Variants in LMX1A observed in about 807,000 individuals in gnomAD.
LMX1A encodes the protein LIM homeobox transcription factor 1-alpha.
Under a neutral mutation model 49.1 loss-of-function variants are expected in LMX1A, and 15 were observed. That is an observed-to-expected ratio of 0.31 (90% CI 0.20 to 0.47). The LOEUF is 0.47. Among genes scored for constraint, LMX1A ranks in the 20% least tolerant of loss-of-function variants. LMX1A has a pLI of 1.00. For synonymous variants in LMX1A, 167 were observed against 185.7 expected (o/e 0.90, Z 0.82); for missense variants, 372 against 475.8 (o/e 0.78, Z 2.03).
At chr1:165,332,461 A>G (rs936194561) in intron 3 of LMX1A, among the ~76,000 whole-genome samples, 5 of 152,194 alleles carry the variant, frequency 3.3e-5, no homozygotes, top group Non-Finnish European at 7.3e-5. Context: ...TAACTATTAC[A>G]CTATATATAA....
chr1:165,321,540 C>T (rs1199092799), intron 3 of LMX1A, among the ~76,000 whole-genome samples: 4 of 152,142 alleles, frequency 2.6e-5, no homozygotes. Flanking sequence ...AATAATCTTC[C>T]TAATACTGCC....
chr1:165,229,230 G>C (rs1330006078), intron 4 of LMX1A, among the ~76,000 whole-genome samples: 1 of 151,968 alleles, frequency 6.6e-6, no homozygotes, highest in Non-Finnish European at 1.5e-5. Flanking sequence ...CCCCAAAAAA[G>C]TGTCTTAGAA....
chr1:165,329,637 A>T (rs1334048588), intron 3 of LMX1A, among the ~76,000 whole-genome samples: 1 of 151,924 alleles, frequency 6.6e-6, no homozygotes, highest in Non-Finnish European at 1.5e-5. Flanking sequence ...CACTGCAAAA[A>T]AAAAAACCTT....
intron 4 of LMX1A, among the ~76,000 whole-genome samples, chr1:165,243,054 A>G (rs1652716862): frequency 6.6e-6 from 1 of 152,136 alleles, no homozygotes; most frequent in Non-Finnish European, 1.5e-5. Flanking sequence ...GATAATGTCT[A>G]TCGTTCAGTT....
intron 3 of LMX1A, among the ~76,000 whole-genome samples, chr1:165,333,672 A>G (rs758567199): frequency 2.0e-5 from 3 of 152,148 alleles, no homozygotes; most frequent in Non-Finnish European, 1.5e-5. Context: ...TTTTATTTTT[A>G]TACATCTTCA....
chr1:165,258,030 C>T (rs563994927), intron 3 of LMX1A, among the ~76,000 whole-genome samples: 5 of 152,296 alleles, frequency 3.3e-5, no homozygotes, highest in Admixed American at 2.0e-4. Flanking sequence ...TATATGAACC[C>T]TCCGGTTTAG....
At chr1:165,333,471 C>T (rs951263243) in intron 3 of LMX1A, among the ~76,000 whole-genome samples, 2 of 152,124 alleles carry the variant, frequency 1.3e-5, no homozygotes, top group African/African-American at 2.4e-5. Context: ...CTTTTCTTCT[C>T]AACATTTGCT....
intron 3 of LMX1A, among the ~76,000 whole-genome samples, chr1:165,283,687 G>C (rs536740484): frequency 2.6e-5 from 4 of 152,018 alleles, no homozygotes; most frequent in Non-Finnish European, 5.9e-5. Context: ...TCTCCAACTC[G>C]AATGTAATTT....
At chr1:165,282,384 G>A (rs1220162221) in intron 3 of LMX1A, among the ~76,000 whole-genome samples, 4 of 152,106 alleles carry the variant, frequency 2.6e-5, no homozygotes, top group South Asian at 2.1e-4. Flanking sequence ...TGTAACCTAC[G>A]CACACCCTTC....
In LMX1A at chr1:165,266,595, C is replaced by CTTTTTTTTT. The variant is rs61551654; in HGVS notation, c.264-16964_264-16956dup. 2.6e-3 allele frequency among the ~76,000 whole-genome samples: 209 copies of CTTTTTTTTT among 79,154 alleles called. 1 individual carries two copies. Among genetic ancestry groups the CTTTTTTTTT allele is most frequent in the East Asian group, 5.8e-3 (14 of 2,422 alleles). 51.9% of individuals were successfully genotyped at this position (79,154 alleles called of 152,430 possible). A position where few individuals can be genotyped will look rare whatever the true frequency, so the allele number is the denominator to read the frequency against. ...CTAATTTTCTTTCTCTTCTTTCTTT[C>CTTTTTTTTT]TTTTTTTTTTTTTTTTTTTTTTTTG... On this transcript the variant is annotated intron_variant, in intron 3 of 8. Coordinates refer to ENST00000342310, the MANE Select transcript of LMX1A (RefSeq NM_177398.4).
At chr1:165,261,706 T>C (rs1653446586) in intron 3 of LMX1A, among the ~76,000 whole-genome samples, 1 of 152,096 alleles carries the variant, frequency 6.6e-6, no homozygotes, top group African/African-American at 2.4e-5. Context: ...TATTCAGCCT[T>C]AAAAAGGAAG....
intron 7 of LMX1A, among the ~76,000 whole-genome samples, chr1:165,206,787 C>A (rs1651101062): frequency 6.6e-6 from 1 of 152,172 alleles, no homozygotes; most frequent in African/African-American, 2.4e-5. Flanking sequence ...GAATTCAGAT[C>A]TAACCAGCTT....
At chr1:165,238,959 C>T (rs1055544058) in intron 4 of LMX1A, among the ~76,000 whole-genome samples, 3 of 152,118 alleles carry the variant, frequency 2.0e-5, no homozygotes, top group African/African-American at 7.2e-5. Flanking sequence ...CATTGCTTTC[C>T]TCATCAACTT....
intron 6 of LMX1A, among the ~76,000 whole-genome samples, chr1:165,209,001 A>G (rs1242362362): frequency 2.6e-5 from 4 of 152,212 alleles, no homozygotes; most frequent in Admixed American, 2.6e-4. Context: ...ATAGAGCATT[A>G]GGGTTCCACG....
intron 3 of LMX1A, among the ~76,000 whole-genome samples, chr1:165,293,389 C>T (rs1168548915): frequency 1.3e-5 from 2 of 152,148 alleles, no homozygotes; most frequent in African/African-American, 2.4e-5. Flanking sequence ...TAGCAACACC[C>T]CTGTGAGCAA....
intron 4 of LMX1A, among the ~76,000 whole-genome samples, chr1:165,244,941 G>A (rs1321963231): frequency 6.6e-6 from 1 of 152,040 alleles, no homozygotes; most frequent in African/African-American, 2.4e-5. Flanking sequence ...CAGCAAAGCA[G>A]GGACCAGGAC....
intron 4 of LMX1A, among the ~76,000 whole-genome samples, chr1:165,216,644 AATAAAACAGTACTTGC>A (rs149730152): frequency 0.03 from 4,585 of 152,320 alleles, 224 homozygotes; most frequent in African/African-American, 0.1. Flanking sequence ...CAGTCTGTTC[AATAAAACAGTACTTGC>A]ATTGACCCTT....
chr1:165,265,212 A>G lies in LMX1A; in HGVS notation c.264-15572T>C, dbSNP rs542492353. ...GTGAGCGACTCTGTCTCAAAAAAAA[A>G]AAAAAAGAAAAAATGGAAAAGGAGC... On this transcript the variant is annotated intron_variant, in intron 3 of 8. Coordinates refer to ENST00000342310, the MANE Select transcript of LMX1A (RefSeq NM_177398.4). Among the ~76,000 whole-genome samples the G allele has an allele frequency of 2.4e-4, 36 of 151,870 alleles. No homozygotes were observed. The East Asian group carries it at 7.0e-3, about 29-fold the overall frequency.
At chr1:165,270,939 G>A (rs987193848) in intron 3 of LMX1A, among the ~76,000 whole-genome samples, 5 of 152,146 alleles carry the variant, frequency 3.3e-5, no homozygotes, top group Non-Finnish European at 5.9e-5. Flanking sequence ...CAACAGTGGA[G>A]CCTCACCACA....
Sources: gnomAD v4.1 joint callset for allele counts (sites outside exome capture counted in the v4.1 genomes callset) on GRCh38, gnomAD v4.1.1 for gene constraint, MANE v1.5 for transcripts, NCBI Gene and HGNC (gene_info 2026-07-23, HGNC 2026-07-21) for gene names.